The following SNX25 variants were observed in gnomAD, a reference collection of about 807,000 sequenced individuals.
The protein encoded by SNX25 is sorting nexin 25.
Under a neutral mutation model 113.7 loss-of-function variants are expected in SNX25, and 62 were observed. That is an observed-to-expected ratio of 0.55 (90% CI 0.44 to 0.67). The LOEUF is 0.67. Among genes scored for constraint, SNX25 ranks in the 30% least tolerant of loss-of-function variants. SNX25 has a pLI of 0.00. For synonymous variants in SNX25, 421 were observed against 436.2 expected, an observed-to-expected ratio of 0.97 and a Z score of 0.43; for missense variants, 1,014 against 1,161.0, an observed-to-expected ratio of 0.87 and a Z score of 1.84.
Position 185,232,942 on chromosome 4 carries a change from T to G in SNX25, c.430-14352T>G, listed in dbSNP as rs1360664659. 3.9e-5 allele frequency among the ~76,000 whole-genome samples: 6 copies of G among 152,142 alleles called. No individual in the cohort carries two copies. The highest frequency in any genetic ancestry group is 1.4e-4 in the African/African-American group (6 of 41,434). ...TAGAATTCCTAAGCCCAGCCTTCCA[T>G]GGTGGTATGGCTCATTAGCTACCCG... On this transcript the variant is annotated intron_variant, in intron 1 of 18. Coordinates refer to ENST00000652585, the MANE Select transcript of SNX25 (RefSeq NM_001378034.2). The surrounding 1 kb of genome is among the most constrained non-coding windows in gnomAD (Gnocchi z 4.4).
At position 185,351,432 on chromosome 4, in the gene SNX25, C is replaced by T. The variant is rs765299789; in HGVS notation, c.2302-13C>T. On this transcript the variant is annotated splice_polypyrimidine_tract_variant and intron_variant, in intron 13 of 18. Coordinates refer to ENST00000652585, the MANE Select transcript of SNX25 (RefSeq NM_001378034.2). ...TTCCCACACTGGAGCAGTTAATCCT[C>T]TTTCTTCCATAGAATCTGCTTTCAG... is the stretch of plus-strand genomic sequence containing the variant. The T allele has an allele frequency of 8.1e-6, 13 of 1,612,444 alleles. No individual in the cohort carries two copies. The highest frequency in any genetic ancestry group is 1.7e-5 in the Admixed American group (1 of 59,674).
intron 6 of SNX25, among the ~76,000 whole-genome samples, chr4:185,300,720 A>T (rs887995733): frequency 5.3e-4 from 80 of 152,206 alleles, no homozygotes; most frequent in African/African-American, 1.9e-3. Context: ...CCAAATTCAT[A>T]TGTTGAAACC....
chr4:185,370,954 G>A (rs145578803), downstream of SNX25: 3 of 887,904 alleles, frequency 3.4e-6, no homozygotes, highest in African/African-American at 3.3e-5. Flanking sequence ...GCTGTGTGGG[G>A]AAGGGTCCAT....
At chr4:185,311,120 A>T (rs888986463) in intron 7 of SNX25, among the ~76,000 whole-genome samples, 2 of 152,162 alleles carry the variant, frequency 1.3e-5, no homozygotes, top group Non-Finnish European at 2.9e-5. Flanking sequence ...ACAAGACTCC[A>T]ATCAAGTTTC....
chr4:185,328,328 T>TA (rs1170984629), intron 9 of SNX25, among the ~76,000 whole-genome samples: 1 of 152,036 alleles, frequency 6.6e-6, no homozygotes, highest in Admixed American at 6.5e-5. Flanking sequence ...AGGGGTTCCA[T>TA]AAGGAAAACA....
chr4:185,240,307 C>T (rs949709758), intron 1 of SNX25, among the ~76,000 whole-genome samples: 5 of 152,040 alleles, frequency 3.3e-5, no homozygotes, highest in Admixed American at 6.5e-5. Flanking sequence ...GGGTGGTGGC[C>T]GGGCAGAGGG....
chr4:185,296,490 G>A (rs543290213), intron 6 of SNX25, among the ~76,000 whole-genome samples: 3 of 151,982 alleles, frequency 2.0e-5, no homozygotes, highest in Non-Finnish European at 4.4e-5. Context: ...ATTTTTATTT[G>A]ATTTTTTTCT....
rs1461922676 is a variant in SNX25, at chr4:185,232,019, G to A, written c.430-15275G>A. Among the ~76,000 whole-genome samples, 1 of 152,120 alleles carries A rather than the reference G, an allele frequency of 6.6e-6. No homozygotes were observed. Among genetic ancestry groups the A allele is most frequent in the Non-Finnish European group, 1.5e-5 (1 of 68,016 alleles). On this transcript the variant is annotated intron_variant, in intron 1 of 18. Transcript: ENST00000652585. This position sits in a 1 kb window ranked among gnomAD's most constrained non-coding sequence, Gnocchi z 4.4. ...TCACTTCAAAGGAATTATGGAAGTC[G>A]AGGTCCCAGTAAATCAAATTACCAA...
chr4:185,363,721 A>T lies in SNX25; in HGVS notation c.*256A>T. 1 of 329,274 alleles carries T rather than the reference A, an allele frequency of 3.0e-6. No homozygotes were observed. The highest frequency in any genetic ancestry group is 6.8e-5 in the South Asian group (1 of 14,616). 20.4% of individuals were successfully genotyped at this position (329,274 alleles called of 1,614,324 possible). Reference sequence around the variant, plus strand: ...CATACCGATTGAAATACAAATGTTAATATGTGAGAACCTAGGAAGTATTTT... The same window carrying T: ...CATACCGATTGAAATACAAATGTTATTATGTGAGAACCTAGGAAGTATTTT... On this transcript the variant is annotated 3_prime_UTR_variant, in exon 19 of 19. Coordinates refer to ENST00000652585, the MANE Select transcript of SNX25 (RefSeq NM_001378034.2). The surrounding 1 kb of genome is among the most constrained non-coding windows in gnomAD (Gnocchi z 4.2).
downstream of SNX25, chr4:185,366,425 G>A (rs1388694443): frequency 6.6e-6 from 1 of 152,150 alleles, no homozygotes; most frequent in Admixed American, 6.5e-5. Context: ...GCATATGTAT[G>A]TAGCAGTTGT....
At chr4:185,219,669 G>T (rs1255403378) in intron 1 of SNX25, among the ~76,000 whole-genome samples, 1 of 152,256 alleles carries the variant, frequency 6.6e-6, no homozygotes, top group Non-Finnish European at 1.5e-5. Context: ...TTTTCTTGTG[G>T]CTTCTCTCCA....
At chr4:185,315,527 C>T (rs914652009) in intron 7 of SNX25, among the ~76,000 whole-genome samples, 1 of 152,072 alleles carries the variant, frequency 6.6e-6, no homozygotes, top group African/African-American at 2.4e-5. Context: ...CTGCTAAGTT[C>T]AGGTGATCCG....
In SNX25 at chr4:185,238,514, C is replaced by T. The variant is rs370979513; in HGVS notation, c.430-8780C>T. Among the ~76,000 whole-genome samples, 10 of 152,146 alleles carry T rather than the reference C, an allele frequency of 6.6e-5. No homozygotes were observed. The East Asian group carries it at 7.7e-4, about 12-fold the overall frequency. On this transcript the variant is annotated intron_variant, in intron 1 of 18. Coordinates refer to ENST00000652585, the MANE Select transcript of SNX25 (RefSeq NM_001378034.2). ...AGTCTTTGAGGCTGAGGCAGAATATCGTTGTTTCGAAAGAGGTCCTGGTTT... is the reference window on the plus strand; with the variant it reads ...AGTCTTTGAGGCTGAGGCAGAATATTGTTGTTTCGAAAGAGGTCCTGGTTT...
intron 8 of SNX25, among the ~76,000 whole-genome samples, 179 bp from the exon 9 acceptor site, chr4:185,323,349 T>G (rs1470077707): frequency 6.7e-6 from 1 of 149,760 alleles, no homozygotes; most frequent in East Asian, 1.9e-4. Context: ...AAGAATTAGT[T>G]TTTTTTTTTT....
upstream of SNX25, among the ~76,000 whole-genome samples, chr4:185,208,627 C>G (rs1302697809): frequency 1.3e-5 from 2 of 151,874 alleles, no homozygotes; most frequent in Non-Finnish European, 1.5e-5. Context: ...ACTCGGGAGG[C>G]TGAGCCAGGA....
At chr4:185,278,212 G>C (rs1750032684) in intron 5 of SNX25, among the ~76,000 whole-genome samples, 1 of 152,180 alleles carries the variant, frequency 6.6e-6, no homozygotes, top group Non-Finnish European at 1.5e-5. Flanking sequence ...CAATGACCCT[G>C]TACTGTAGAG....
At chr4:185,242,201 CAACA>C (rs1744160737) in intron 1 of SNX25, among the ~76,000 whole-genome samples, 1 of 152,148 alleles carries the variant, frequency 6.6e-6, no homozygotes, top group Non-Finnish European at 1.5e-5. Context: ...TTTCATACCA[CAACA>C]AACATAAACA....
At chr4:185,245,419 C>G (rs1744721814) in intron 1 of SNX25, among the ~76,000 whole-genome samples, 1 of 151,886 alleles carries the variant, frequency 6.6e-6, no homozygotes, top group Non-Finnish European at 1.5e-5. Context: ...CTCACTGCAA[C>G]CTACATCTCC....
At position 185,210,224 on chromosome 4, in the gene SNX25, C is replaced by T. The variant is rs967760824; in HGVS notation, c.398C>T (p.Ala133Val). The change falls in exon 1 of 19, where the codon GCC becomes GTC. Residue 133 changes from alanine (A) to valine (V), a missense_variant. Ala to Val is a moderately conservative substitution (Grantham distance 64, BLOSUM62 0). Coordinates refer to ENST00000652585, the MANE Select transcript of SNX25 (RefSeq NM_001378034.2). The surrounding 1 kb of genome is among the most constrained non-coding windows in gnomAD (Gnocchi z 4.4). Reference sequence around the variant, plus strand: ...TTCGCCGCCGCCTGGAGCCGGCTGGCCGCGACCTCAGCCGCCCGCCGCCCG... The same window carrying T: ...TTCGCCGCCGCCTGGAGCCGGCTGGTCGCGACCTCAGCCGCCCGCCGCCCG... ...PDFAAAWSRL[A>V]ATSAARRPPG... The T allele has an allele frequency of 1.1e-5, 11 of 984,738 alleles. No homozygotes were observed. The African/African-American group carries it at 1.9e-4, about 17-fold the overall frequency. 61.0% of individuals were successfully genotyped at this position (984,738 alleles called of 1,614,324 possible).
Sources: allele counts gnomAD v4.1 joint callset (sites outside exome capture counted in the v4.1 genomes callset), GRCh38; gene constraint gnomAD v4.1.1; non-coding constraint Gnocchi (gnomAD v3.1); transcripts MANE v1.5; gene names NCBI Gene and HGNC (gene_info 2026-07-23, HGNC 2026-07-21).